Variants in LRRTM4 observed in about 807,000 individuals in gnomAD.
The protein encoded by LRRTM4 is leucine rich repeat transmembrane neuronal 4.
In LRRTM4, 25 loss-of-function variants were observed where a neutral mutation model predicts 47.6. That is an observed-to-expected ratio of 0.53 (90% CI 0.38 to 0.73). LRRTM4 has a LOEUF of 0.73. Among genes scored for constraint, LRRTM4 ranks in the 30% least tolerant of loss-of-function variants. The pLI is 0.00. For missense variants in LRRTM4, 638 were observed against 713.4 expected (o/e 0.89, Z 1.20); for synonymous variants, 311 against 269.5 (o/e 1.15, Z -1.51).
intron 3 of LRRTM4, among the ~76,000 whole-genome samples, chr2:76,757,401 A>T (rs1029830252): frequency 6.6e-6 from 1 of 152,094 alleles, no homozygotes; most frequent in Non-Finnish European, 1.5e-5. Context: ...TTTGTTGTCT[A>T]TGAGGTGCCC....
intron 3 of LRRTM4, among the ~76,000 whole-genome samples, chr2:77,079,606 A>G (rs1230110479): frequency 1.3e-5 from 2 of 152,182 alleles, no homozygotes; most frequent in Non-Finnish European, 1.5e-5. Context: ...CATTTGGCCC[A>G]ATGAAACCAA....
chr2:77,094,184 T>C (rs996849363), intron 3 of LRRTM4, among the ~76,000 whole-genome samples: 5 of 152,102 alleles, frequency 3.3e-5, no homozygotes, highest in Admixed American at 6.5e-5. Context: ...CCATGTATAA[T>C]AGCAACACAA....
intron 3 of LRRTM4, among the ~76,000 whole-genome samples, chr2:77,162,198 C>G (rs983286999): frequency 6.6e-6 from 1 of 152,186 alleles, no homozygotes; most frequent in Non-Finnish European, 1.5e-5. Context: ...CAGAGGATCC[C>G]ACACCCACGG....
At chr2:77,475,074 A>T in intron 3 of LRRTM4, among the ~76,000 whole-genome samples, 1 of 152,072 alleles carries the variant, frequency 6.6e-6, no homozygotes, top group Admixed American at 6.6e-5. Context: ...AACAGATATC[A>T]AGAAAAATTT....
chr2:77,442,090 C>G (rs1002944099), intron 3 of LRRTM4, among the ~76,000 whole-genome samples: 1 of 152,062 alleles, frequency 6.6e-6, no homozygotes, highest in Non-Finnish European at 1.5e-5. Flanking sequence ...CTGAGAACAG[C>G]AGAATGTGGA....
intron 3 of LRRTM4, among the ~76,000 whole-genome samples, chr2:76,844,164 T>C (rs1286930102): frequency 6.6e-6 from 1 of 150,584 alleles, no homozygotes; most frequent in South Asian, 2.1e-4. Context: ...AGACAGACTC[T>C]CACGCTGTCG....
chr2:77,521,193 G>A (rs1440949404), intron 2 of LRRTM4, among the ~76,000 whole-genome samples: 1 of 151,876 alleles, frequency 6.6e-6, no homozygotes, highest in East Asian at 1.9e-4. Flanking sequence ...AATGACTGCT[G>A]GAAATTCGGA....
At chr2:77,197,695 C>T (rs902969718) in intron 3 of LRRTM4, among the ~76,000 whole-genome samples, 1 of 152,040 alleles carries the variant, frequency 6.6e-6, no homozygotes, top group Non-Finnish European at 1.5e-5. Context: ...GAAATTAAGC[C>T]CTTTTAGCTG....
In LRRTM4 at chr2:77,376,643, G is replaced by A. The variant is rs180761664; in HGVS notation, c.1551+141675C>T. Among the ~76,000 whole-genome samples, 120 of 151,726 alleles carry A rather than the reference G, an allele frequency of 7.9e-4. 1 individual carries two copies. The highest frequency in any genetic ancestry group is 2.7e-3 in the African/African-American group (111 of 41,464). ...TCTCTTACACTTTTCTCATGATTACGCTGAGGTTATGGGTTTTGTAAGAGG... is the reference window on the plus strand; with the variant it reads ...TCTCTTACACTTTTCTCATGATTACACTGAGGTTATGGGTTTTGTAAGAGG... On this transcript the variant is annotated intron_variant, in intron 3 of 3. Transcript: ENST00000409884.
chr2:77,508,157 T>C (rs1678849946), intron 3 of LRRTM4, among the ~76,000 whole-genome samples: 1 of 152,140 alleles, frequency 6.6e-6, no homozygotes, highest in Non-Finnish European at 1.5e-5. Context: ...CCTGCTATAC[T>C]ATGAAAAATG....
intron 3 of LRRTM4, among the ~76,000 whole-genome samples, chr2:77,173,945 A>G (rs1673123958): frequency 6.6e-6 from 1 of 152,188 alleles, no homozygotes; most frequent in Non-Finnish European, 1.5e-5. Flanking sequence ...CTTTCTTTTT[A>G]AGCTGTTGGC....
chr2:77,159,821 T>C (rs1672662266), intron 3 of LRRTM4, among the ~76,000 whole-genome samples: 1 of 152,150 alleles, frequency 6.6e-6, no homozygotes, highest in Non-Finnish European at 1.5e-5. Flanking sequence ...TAAAAATGTT[T>C]CTGTATGGTA....
intron 3 of LRRTM4, among the ~76,000 whole-genome samples, chr2:77,330,569 T>C (rs1670937983): frequency 6.6e-6 from 1 of 152,190 alleles, no homozygotes; most frequent in Non-Finnish European, 1.5e-5. Flanking sequence ...AAAAAATTCC[T>C]ACAGCATTGG....
rs184341257 is a variant in LRRTM4, at chr2:77,408,361, T to C, written c.1551+109957A>G. Among the ~76,000 whole-genome samples the C allele has an allele frequency of 1.6e-3, 248 of 152,280 alleles. 2 individuals carry two copies. Among genetic ancestry groups the C allele is most frequent in the African/African-American group, 5.6e-3 (234 of 41,558 alleles). On this transcript the variant is annotated intron_variant, in intron 3 of 3. Coordinates refer to ENST00000409884, the MANE Select transcript of LRRTM4 (RefSeq NM_001134745.3). The stretch of plus-strand genomic sequence containing the variant: ...GCTCAATATTTATCATGGTTTAAGA[T>C]ATTTATCTAGACATAATTTTTAGAG...
At chr2:77,434,580 T>C (rs367580257) in intron 3 of LRRTM4, among the ~76,000 whole-genome samples, 2 of 152,188 alleles carry the variant, frequency 1.3e-5, no homozygotes, top group Non-Finnish European at 2.9e-5. Context: ...CACACCACAA[T>C]TGATACATCT....
intron 3 of LRRTM4, among the ~76,000 whole-genome samples, chr2:77,015,455 C>T (rs1393998641): frequency 6.6e-6 from 1 of 152,064 alleles, no homozygotes; most frequent in Non-Finnish European, 1.5e-5. Flanking sequence ...CCTGCCTCAG[C>T]CTTCTGAGTA....
chr2:76,831,683 A>C (rs1671355706), intron 3 of LRRTM4, among the ~76,000 whole-genome samples: 1 of 152,164 alleles, frequency 6.6e-6, no homozygotes, highest in South Asian at 2.1e-4. Context: ...ATATGTTCAC[A>C]CACCAGTGAA....
chr2:77,217,540 C>T (rs1318771378), intron 3 of LRRTM4, among the ~76,000 whole-genome samples: 2 of 146,012 alleles, frequency 1.4e-5, no homozygotes, highest in South Asian at 2.2e-4. Flanking sequence ...GTTCAGATTA[C>T]TCCTCACTTA....
At chr2:76,822,379 C>G in intron 3 of LRRTM4, among the ~76,000 whole-genome samples, 1 of 150,980 alleles carries the variant, frequency 6.6e-6, no homozygotes, top group Admixed American at 6.6e-5. Flanking sequence ...AAAGAAAATC[C>G]AACTAAGAAT....
Sources: gnomAD v4.1 joint callset for allele counts (sites outside exome capture counted in the v4.1 genomes callset) on GRCh38, gnomAD v4.1.1 for gene constraint, MANE v1.5 for transcripts, NCBI Gene and HGNC (gene_info 2026-07-23, HGNC 2026-07-21) for gene names.